PTPRM: variants seen among roughly 807,000 people sequenced by gnomAD.
PTPRM encodes the protein protein tyrosine phosphatase receptor type M.
In PTPRM, 47 loss-of-function variants were observed where a neutral mutation model predicts 186.7. The observed-to-expected ratio is 0.25, with a 90% CI of 0.20 to 0.32. PTPRM has a LOEUF of 0.32. Ranked by LOEUF, PTPRM falls within the 10% of genes least tolerant of loss-of-function variation. The pLI, the probability that PTPRM is intolerant of heterozygous loss-of-function variation, is 1.00. For missense variants in PTPRM, 1,494 were observed against 1,865.0 expected, an observed-to-expected ratio of 0.80 and a Z score of 3.66; for synonymous variants, 668 against 674.9, an observed-to-expected ratio of 0.99 and a Z score of 0.16.
At chr18:7,775,996 A>G (rs2042563329) in intron 2 of PTPRM, among the ~76,000 whole-genome samples, 1 of 152,226 alleles carries the variant, frequency 6.6e-6, no homozygotes, top group Non-Finnish European at 1.5e-5. Flanking sequence ...AAAAAATGGT[A>G]GTAAAGTTCA....
Position 8,020,523 on chromosome 18 carries a change from C to T in PTPRM, c.1133-49163C>T, listed in dbSNP as rs375380823. On this transcript the variant is annotated intron_variant, in intron 7 of 32. Transcript: ENST00000580170. ...TGAGGTTTTAGCAAGATGAAAATAC[C>T]TTTCAAAGGATTTATAGACCCATGA... Among the ~76,000 whole-genome samples, 5 of 152,230 alleles carry T rather than the reference C, an allele frequency of 3.3e-5. No homozygotes were observed. The East Asian group carries it at 7.7e-4, about 23-fold the overall frequency.
intron 14 of PTPRM, among the ~76,000 whole-genome samples, chr18:8,164,969 C>T (rs533803001): frequency 8.6e-5 from 13 of 151,952 alleles, no homozygotes; most frequent in Admixed American, 3.3e-4. Context: ...CCGAAACCAT[C>T]CTGGCCATCC....
At chr18:8,175,793 G>C (rs2093471681) in intron 14 of PTPRM, among the ~76,000 whole-genome samples, 1 of 152,198 alleles carries the variant, frequency 6.6e-6, no homozygotes, top group South Asian at 2.1e-4. Context: ...ATTATAACAA[G>C]GATTTCTGCC....
intron 7 of PTPRM, among the ~76,000 whole-genome samples, chr18:8,064,354 T>C (rs908130753): frequency 6.7e-6 from 1 of 149,106 alleles, no homozygotes; most frequent in Admixed American, 6.8e-5. Context: ...TGTTACACTT[T>C]CCTTCATTTA....
chr18:7,838,713 A>G (rs993643490), intron 2 of PTPRM, among the ~76,000 whole-genome samples: 1 of 152,230 alleles, frequency 6.6e-6, no homozygotes, highest in African/African-American at 2.4e-5. Flanking sequence ...TACAGTCAGC[A>G]GATGGCAAAG....
chr18:7,621,809 A>G (rs941104018), intron 1 of PTPRM, among the ~76,000 whole-genome samples: 1 of 152,126 alleles, frequency 6.6e-6, no homozygotes, highest in Non-Finnish European at 1.5e-5. Context: ...GCTCATTTCT[A>G]TTTAGTGCCT....
chr18:7,671,183 C>T (rs191946608), intron 1 of PTPRM, among the ~76,000 whole-genome samples: 1 of 152,250 alleles, frequency 6.6e-6, no homozygotes, highest in East Asian at 1.9e-4. Flanking sequence ...TCCCCACCCC[C>T]GATTCAGAGA....
intron 1 of PTPRM, among the ~76,000 whole-genome samples, chr18:7,705,194 G>A (rs78962232): frequency 0.065 from 9,948 of 151,950 alleles, 861 homozygotes; most frequent in African/African-American, 0.19. Context: ...TATCAAACGA[G>A]AAATAAATAC....
intron 7 of PTPRM, among the ~76,000 whole-genome samples, chr18:8,034,014 T>G (rs1600177933): frequency 6.6e-6 from 1 of 152,156 alleles, no homozygotes; most frequent in Non-Finnish European, 1.5e-5. Context: ...TCATGTGGCC[T>G]TCACTTCATT....
intron 7 of PTPRM, among the ~76,000 whole-genome samples, chr18:8,054,298 A>ATTTATAT: frequency 1.5e-5 from 2 of 131,692 alleles, no homozygotes; most frequent in Non-Finnish European, 3.1e-5. Flanking sequence ...TAGTAGTAGT[A>ATTTATAT]ATATATATAT....
intron 14 of PTPRM, among the ~76,000 whole-genome samples, chr18:8,231,243 A>G (rs756402107): frequency 2.0e-5 from 3 of 152,182 alleles, no homozygotes; most frequent in East Asian, 1.9e-4. Context: ...GCTCTGGGGA[A>G]CCATGGCCTG....
At chr18:8,087,117 C>A (rs1802325861) in intron 10 of PTPRM, among the ~76,000 whole-genome samples, 1 of 152,002 alleles carries the variant, frequency 6.6e-6, no homozygotes, top group African/African-American at 2.4e-5. Flanking sequence ...AATAAATTTA[C>A]TCCTACATAC....
At chr18:8,082,052 T>C (rs1476910565) in intron 9 of PTPRM, among the ~76,000 whole-genome samples, 1 of 152,072 alleles carries the variant, frequency 6.6e-6, no homozygotes, top group Non-Finnish European at 1.5e-5. Flanking sequence ...ATAGTCTCTG[T>C]GGGTGGAGCA....
intron 13 of PTPRM, among the ~76,000 whole-genome samples, chr18:8,118,400 G>C (rs760532364): frequency 3.8e-4 from 58 of 152,226 alleles, no homozygotes; most frequent in Middle Eastern, 3.4e-3. Context: ...GCTGTTATTT[G>C]ACTATTGTCT....
intron 5 of PTPRM, among the ~76,000 whole-genome samples, chr18:7,936,437 C>A (rs771842764): frequency 1.4e-4 from 21 of 152,234 alleles, no homozygotes; most frequent in Admixed American, 4.6e-4. Flanking sequence ...AGGCTAAACC[C>A]AGGTGCTGTC....
At chr18:8,375,976 GCT>G in intron 24 of PTPRM, 68 bp from the exon 25 acceptor site, 4 of 1,497,666 alleles carry the variant, frequency 2.7e-6, no homozygotes, top group Non-Finnish European at 3.7e-6. Flanking sequence ...CACTCCCCCA[GCT>G]ATCCCTGCTT....
intron 19 of PTPRM, among the ~76,000 whole-genome samples, chr18:8,268,574 T>C (rs2094730523): frequency 6.6e-6 from 1 of 152,050 alleles, no homozygotes; most frequent in South Asian, 2.1e-4. Context: ...TCCAAACTCA[T>C]TTTACAAGGC....
chr18:8,206,493 C>T (rs2093933300), intron 14 of PTPRM, among the ~76,000 whole-genome samples: 1 of 152,090 alleles, frequency 6.6e-6, no homozygotes, highest in African/African-American at 2.4e-5. Context: ...CATCATCTGC[C>T]CGCCTCAGCC....
chr18:7,591,948 A>G (rs1285110769), intron 1 of PTPRM, among the ~76,000 whole-genome samples: 1 of 152,150 alleles, frequency 6.6e-6, no homozygotes, highest in Admixed American at 6.5e-5. Flanking sequence ...GGCTCTCCCT[A>G]TGTGTCCCGT....
Sources: allele counts gnomAD v4.1 joint callset (sites outside exome capture counted in the v4.1 genomes callset), GRCh38; gene constraint gnomAD v4.1.1; transcripts MANE v1.5; gene names NCBI Gene and HGNC (gene_info 2026-07-23, HGNC 2026-07-21).